Variants in TARBP2 observed in about 807,000 individuals in gnomAD.
The protein encoded by TARBP2 is RISC-loading complex subunit TARBP2.
A neutral mutation model predicts 40.4 loss-of-function variants in TARBP2; 23 were observed. The observed-to-expected ratio is 0.57, with a 90% CI of 0.41 to 0.81. The LOEUF is 0.81. Among genes scored for constraint, TARBP2 ranks in the 30% least tolerant of loss-of-function variants. The pLI is 0.00. For missense variants in TARBP2, 358 were observed against 473.7 expected (o/e 0.76, Z 2.27); for synonymous variants, 183 against 190.5 (o/e 0.96, Z 0.32).
intron 5 of TARBP2, 28 bp from the exon 6 acceptor site, chr12:53,504,670 C>A: frequency 6.2e-7 from 1 of 1,614,164 alleles, no homozygotes; most frequent in Non-Finnish European, 8.5e-7. Context: ...TTCACTCAGC[C>A]TCATGCACCC....
chr12:53,505,550 A>G lies in TARBP2; in HGVS notation c.742-99A>G. 3 of 1,292,690 alleles carry G rather than the reference A, an allele frequency of 2.3e-6. No homozygotes were observed. The highest frequency in any genetic ancestry group is 3.3e-6 in the Non-Finnish European group (3 of 910,488). The allele number at this position is 1,292,690 out of a possible 1,614,324, so 80.1% of individuals were successfully genotyped here. A position where few individuals can be genotyped will look rare whatever the true frequency, so the allele number is the denominator to read the frequency against. On this transcript the variant is annotated intron_variant, in intron 7 of 8. Transcript: ENST00000266987. The surrounding 1 kb of genome is among the most constrained non-coding windows in gnomAD (Gnocchi z 4.5). ...GACTGGGGGGAGGCAAGCTGGAGGAAGCATTCTTTGTGCTTTGTTCTCCTT... is the reference window on the plus strand; with the variant it reads ...GACTGGGGGGAGGCAAGCTGGAGGAGGCATTCTTTGTGCTTTGTTCTCCTT...
In TARBP2 at chr12:53,502,012, C is replaced by G. The variant is rs760680867; in HGVS notation, c.54-3C>G. ...TGATGTGGGTCTGTGCCCCTTCCCC[C>G]AGTATAGAGCAAATGCTGGCCGCCA... is the stretch of plus-strand genomic sequence containing the variant. On this transcript the variant is annotated splice_region_variant and splice_polypyrimidine_tract_variant and intron_variant, in intron 1 of 8. Coordinates refer to ENST00000266987, the MANE Select transcript of TARBP2 (RefSeq NM_134323.2). 6.2e-7 allele frequency: 1 copy of G among 1,614,092 alleles called. No individual in the cohort carries two copies. Among genetic ancestry groups the G allele is most frequent in the Non-Finnish European group, 8.5e-7 (1 of 1,179,974 alleles).
Position 53,505,911 on chromosome 12 carries a change from G to T in TARBP2, c.943+61G>T, listed in dbSNP as rs963089143. ...GGGGCTGGACCGGAGCAAGTAGAAG[G>T]GGGTGATGATAACGTGAACGCACCC... On this transcript the variant is annotated intron_variant, in intron 8 of 8. Coordinates refer to ENST00000266987, the MANE Select transcript of TARBP2 (RefSeq NM_134323.2). This position sits in a 1 kb window ranked among gnomAD's most constrained non-coding sequence, Gnocchi z 4.5. The T allele has an allele frequency of 2.5e-6, 4 of 1,605,710 alleles. No individual in the cohort carries two copies. Among genetic ancestry groups the T allele is most frequent in the Middle Eastern group, 1.7e-4 (1 of 6,038 alleles).
chr12:53,501,916 C>T, intron 1 of TARBP2, 99 bp from the exon 2 acceptor site: 1 of 1,521,296 alleles, frequency 6.6e-7, no homozygotes, highest in Non-Finnish European at 8.9e-7. Context: ...TCCTTGGACC[C>T]TATGTCCCCC....
At position 53,502,106 on chromosome 12, in the gene TARBP2, G is replaced by A. The variant is rs1943739509; in HGVS notation, c.145G>A (p.Asp49Asn). ...CAGAATAGGGAAGACGCCTGTGTACGACCTTCTCAAAGCCGAGGGCCAAGC... is the reference window on the plus strand; with the variant it reads ...CAGAATAGGGAAGACGCCTGTGTACAACCTTCTCAAAGCCGAGGGCCAAGC... ...GTRIGKTPVY[D>N]LLKAEGQAHQ... The change falls in exon 2 of 9, where the codon GAC becomes AAC. Residue 49 changes from aspartate to asparagine, a missense_variant. Physicochemically the swap from Asp to Asn is conservative, Grantham distance 23. This residue lies in a region of TARBP2 where 317 missense variants were observed against 422.9 expected (regional missense o/e 0.75). Coordinates refer to ENST00000266987, the MANE Select transcript of TARBP2 (RefSeq NM_134323.2). 5 of 1,614,174 alleles carry A rather than the reference G, an allele frequency of 3.1e-6. No individual in the cohort carries two copies. The highest frequency in any genetic ancestry group is 4.2e-6 in the Non-Finnish European group (5 of 1,180,028).
chr12:53,503,942 A>G (rs558781650), intron 4 of TARBP2, 134 bp downstream of exon 4: 1 of 697,854 alleles, frequency 1.4e-6, no homozygotes, highest in Non-Finnish European at 2.5e-6. Context: ...TGGGAACCAG[A>G]ACTTGAAGAA....
intron 1 of TARBP2, 95 bp from the exon 2 acceptor site, chr12:53,501,920 G>A: frequency 6.5e-7 from 1 of 1,526,910 alleles, no homozygotes; most frequent in South Asian, 1.3e-5. Flanking sequence ...TGGACCCTAT[G>A]TCCCCCATAA....
chr12:53,506,379 A>G lies in TARBP2; in HGVS notation c.*231A>G, dbSNP rs1336398738. On this transcript the variant is annotated 3_prime_UTR_variant, in exon 9 of 9. Transcript: ENST00000266987. Reference sequence around the variant, plus strand: ...GGTGATGATGAATGGGAATGAAATCAGGGGGCTGTCTACTAGAGCCTGGAA... The same window carrying G: ...GGTGATGATGAATGGGAATGAAATCGGGGGGCTGTCTACTAGAGCCTGGAA... 20 of 576,416 alleles carry G rather than the reference A, an allele frequency of 3.5e-5. No homozygotes were observed. The highest frequency in any genetic ancestry group is 1.7e-4 in the East Asian group (6 of 34,974). The allele number at this position is 576,416 out of a possible 1,614,324, so 35.7% of individuals were successfully genotyped here. A position where few individuals can be genotyped will look rare whatever the true frequency, so the allele number is the denominator to read the frequency against.
Position 53,506,134 on chromosome 12 carries a change from G to A in TARBP2, c.1087G>A (p.Ala363Thr), listed in dbSNP as rs1422180932. The change falls in exon 9 of 9, where the codon GCA becomes ACA. Residue 363 changes from alanine to threonine, a missense_variant. By Grantham distance (58) the Ala-to-Thr change is moderately conservative. Transcript: ENST00000266987. ...TGCCCTGCAGTACCTCAAGATCATG[G>A]CAGGCAGCAAGTGAAGCCCCAGCTG... Reference protein sequence around the residue: ...RRALQYLKIMAGSK With the variant: ...RRALQYLKIMTGSK 3 of 1,613,800 alleles carry A rather than the reference G, an allele frequency of 1.9e-6. No homozygotes were observed. In the South Asian group the frequency reaches 3.3e-5, roughly 18 times the overall value.
In TARBP2 at chr12:53,501,306, C is replaced by G; in HGVS notation, c.-103C>G. The G allele has an allele frequency of 7.3e-7, 1 of 1,373,810 alleles. No individual in the cohort carries two copies. The highest frequency in any genetic ancestry group is 1.0e-6 in the Non-Finnish European group (1 of 1,002,882). 85.1% of individuals were successfully genotyped at this position (1,373,810 alleles called of 1,614,324 possible). ...CCAGCGTGCCCCGCGGCGGGCCCTACCGGCCGCGACTCCGGGCTTGGCCCC... is the reference window on the plus strand; with the variant it reads ...CCAGCGTGCCCCGCGGCGGGCCCTAGCGGCCGCGACTCCGGGCTTGGCCCC... On this transcript the variant is annotated 5_prime_UTR_variant, in exon 1 of 9. Transcript: ENST00000266987.
chr12:53,503,602 C>A (rs565552847), intron 3 of TARBP2, 111 bp from the exon 4 acceptor site: 2 of 764,580 alleles, frequency 2.6e-6, no homozygotes, highest in African/African-American at 1.7e-5. Context: ...TTCTTTGGCT[C>A]AATTTGGAAG....
At position 53,505,104 on chromosome 12, in the gene TARBP2, CAT is replaced by C. The variant is rs543461001; in HGVS notation, c.614-29_614-28del. The C allele has an allele frequency of 6.3e-5, 99 of 1,579,274 alleles. No homozygotes were observed. The African/African-American group carries it at 1.2e-3, about 18-fold the overall frequency. ...TGGAAGCACTGGGTCTGTGGGGAAT[CAT>C]AACCCAGCAGCCCTCTCTCCACATG... On this transcript the variant is annotated intron_variant, in intron 6 of 8. Coordinates refer to ENST00000266987, the MANE Select transcript of TARBP2 (RefSeq NM_134323.2). This position sits in a 1 kb window ranked among gnomAD's most constrained non-coding sequence, Gnocchi z 4.5.
chr12:53,504,679 C>T lies in TARBP2; in HGVS notation c.496-19C>T, dbSNP rs1411420791. On this transcript the variant is annotated intron_variant, in intron 5 of 8. Transcript: ENST00000266987. ...CCTTTTTTCACTCAGCCTCATGCAC[C>T]CTGTGTCTCCCTTCCAAGGAGCTGG... The T allele has an allele frequency of 1.2e-6, 2 of 1,614,046 alleles. No homozygotes were observed. The highest frequency in any genetic ancestry group is 1.7e-6 in the Non-Finnish European group (2 of 1,180,036).
intron 4 of TARBP2, chr12:53,504,130 T>C (rs1943850241): frequency 3.5e-6 from 2 of 573,858 alleles, no homozygotes. Flanking sequence ...AATACAGCTC[T>C]TCTCCCACTG....
At chr12:53,501,780 C>A in intron 1 of TARBP2, 1 of 1,365,808 alleles carries the variant, frequency 7.3e-7, no homozygotes, top group Non-Finnish European at 9.6e-7. Flanking sequence ...GGCACAGGAT[C>A]GTGCCCACCT....
intron 2 of TARBP2, 77 bp from the exon 3 acceptor site, chr12:53,502,947 CGAG>C (rs1206307080): frequency 1.4e-6 from 2 of 1,421,940 alleles, no homozygotes; most frequent in Non-Finnish European, 1.9e-6. Context: ...CCTCTGGCTA[CGAG>C]GAGAGAGGCT....
At chr12:53,501,936 C>G in intron 1 of TARBP2, 79 bp from the exon 2 acceptor site, 3 of 1,571,486 alleles carry the variant, frequency 1.9e-6, no homozygotes, top group African/African-American at 2.7e-5. Context: ...CATAATGTGC[C>G]TAGGTCTGGT....
chr12:53,502,051 C>T lies in TARBP2; in HGVS notation c.90C>T (p.Thr30=). ...TGCTGGCCGCCAACCCAGGCAAGAC[C>T]CCGATCAGCCTTCTGCAGGAGTATG... The part of the protein sequence containing the change: ...EQMLAANPGK[T]PISLLQEYGT... The change falls in exon 2 of 9, where the codon ACC becomes ACT. Residue 30 remains threonine (T), a synonymous_variant. Coordinates refer to ENST00000266987, the MANE Select transcript of TARBP2 (RefSeq NM_134323.2). 6.2e-7 allele frequency: 1 copy of T among 1,614,180 alleles called. No homozygotes were observed.
intron 5 of TARBP2, 22 bp downstream of exon 5, chr12:53,504,491 C>T: frequency 6.2e-7 from 1 of 1,611,474 alleles, no homozygotes. Context: ...CCTCATTTCC[C>T]ATGCATGCCT....
Sources: allele counts gnomAD v4.1 joint callset, GRCh38; gene constraint gnomAD v4.1.1; regional missense constraint gnomAD v4.1.1; non-coding constraint Gnocchi (gnomAD v3.1); transcripts MANE v1.5; gene names NCBI Gene and HGNC (gene_info 2026-07-23, HGNC 2026-07-21).